Variants in ENPP6 observed in about 807,000 individuals in gnomAD.
The protein encoded by ENPP6 is glycerophosphocholine cholinephosphodiesterase ENPP6.
In ENPP6, 32 loss-of-function variants were observed where a neutral mutation model predicts 42.0. The ratio of observed to expected loss-of-function variants is 0.76; its 90% CI spans 0.58 to 1.02. ENPP6 has a LOEUF of 1.02. Ranked by LOEUF, ENPP6 falls within the 50% of genes least tolerant of loss-of-function variation. The pLI is 0.00. For synonymous variants in ENPP6, 213 were observed against 216.0 expected (o/e 0.99, Z 0.12); for missense variants, 552 against 566.8 (o/e 0.97, Z 0.27).
chr4:184,150,572 T>C (rs938530902), intron 2 of ENPP6, among the ~76,000 whole-genome samples: 3 of 152,102 alleles, frequency 2.0e-5, no homozygotes, highest in Non-Finnish European at 4.4e-5. Flanking sequence ...GGAACCAGGG[T>C]AGACAGAGAA....
At chr4:184,126,701 T>C (rs942677706) in intron 2 of ENPP6, among the ~76,000 whole-genome samples, 1 of 152,234 alleles carries the variant, frequency 6.6e-6, no homozygotes. Flanking sequence ...ATTCTCTATG[T>C]AAAGCACTGG....
At chr4:184,100,657 G>A (rs539493972) in intron 6 of ENPP6, among the ~76,000 whole-genome samples, 93 of 152,354 alleles carry the variant, frequency 6.1e-4, no homozygotes, top group African/African-American at 2.2e-3. Flanking sequence ...CTCCTGCAAT[G>A]TGTGCTGGAG....
At chr4:184,140,338 C>T (rs1209499813) in intron 2 of ENPP6, among the ~76,000 whole-genome samples, 2 of 151,736 alleles carry the variant, frequency 1.3e-5, no homozygotes, top group Non-Finnish European at 2.9e-5. Flanking sequence ...AGATTCAATG[C>T]CATCCCCATC....
At chr4:184,092,552 G>C (rs960587330) in intron 7 of ENPP6, among the ~76,000 whole-genome samples, 3 of 152,194 alleles carry the variant, frequency 2.0e-5, no homozygotes, top group African/African-American at 7.2e-5. Flanking sequence ...TCAATCAAGG[G>C]ATTTCTTCTT....
chr4:184,163,848 C>T (rs1162611369), intron 1 of ENPP6, among the ~76,000 whole-genome samples: 2 of 152,218 alleles, frequency 1.3e-5, no homozygotes, highest in African/African-American at 4.8e-5. Context: ...ATTTGAGGCA[C>T]ATCAATTTAG....
Position 184,128,505 on chromosome 4 carries a change from C to A in ENPP6, c.422-4233G>T, listed in dbSNP as rs115401309. On this transcript the variant is annotated intron_variant, in intron 2 of 7. Coordinates refer to ENST00000296741, the MANE Select transcript of ENPP6 (RefSeq NM_153343.4). ...CAGTTAGCCTATTTTTAAAGAATGTCAAGATGATGTAAGAAATAAAATCCA... is the reference window on the plus strand; with the variant it reads ...CAGTTAGCCTATTTTTAAAGAATGTAAAGATGATGTAAGAAATAAAATCCA... Among the ~76,000 whole-genome samples the A allele has an allele frequency of 4.0e-3, 612 of 151,294 alleles. 8 individuals carry two copies. The highest frequency in any genetic ancestry group is 0.013 in the African/African-American group (552 of 41,220).
At chr4:184,209,611 T>C (rs1326805757) in intron 1 of ENPP6, among the ~76,000 whole-genome samples, 1 of 151,180 alleles carries the variant, frequency 6.6e-6, no homozygotes, top group Non-Finnish European at 1.5e-5. Flanking sequence ...TACATCTGAT[T>C]TGTGTACCTG....
intron 1 of ENPP6, among the ~76,000 whole-genome samples, chr4:184,207,104 T>C (rs538777851): frequency 4.6e-5 from 7 of 152,240 alleles, no homozygotes; most frequent in East Asian, 1.9e-4. Context: ...AAACAAAACA[T>C]TGAATTTCCC....
intron 6 of ENPP6, among the ~76,000 whole-genome samples, chr4:184,100,918 C>T (rs1735990027): frequency 6.6e-6 from 1 of 152,206 alleles, no homozygotes; most frequent in Non-Finnish European, 1.5e-5. Flanking sequence ...GCTCCTTCCC[C>T]TAACAGAGCT....
chr4:184,107,473 C>G (rs1293285192), intron 6 of ENPP6, among the ~76,000 whole-genome samples: 2 of 152,212 alleles, frequency 1.3e-5, no homozygotes, highest in Admixed American at 6.5e-5. Context: ...ACTGGGGGCC[C>G]TTGCTTTGCT....
chr4:184,130,448 C>T (rs1289873313), intron 2 of ENPP6, among the ~76,000 whole-genome samples: 4 of 96,004 alleles, frequency 4.2e-5, no homozygotes, highest in Non-Finnish European at 7.0e-5. Context: ...GTCCCAGCTA[C>T]TCGGGAGGCT....
intron 6 of ENPP6, among the ~76,000 whole-genome samples, chr4:184,101,460 TGGAACTCCAAGAGC>T (rs1736003937): frequency 6.6e-6 from 1 of 151,846 alleles, no homozygotes; most frequent in Non-Finnish European, 1.5e-5. Flanking sequence ...GACAGAATCC[TGGAACTCCAAGAGC>T]GGAGGAGCCC....
At chr4:184,193,955 C>T (rs1431922987) in intron 1 of ENPP6, among the ~76,000 whole-genome samples, 5 of 152,128 alleles carry the variant, frequency 3.3e-5, no homozygotes, top group Admixed American at 1.3e-4. Context: ...TTTGCCTTTC[C>T]TTGATTGCTT....
At chr4:184,153,909 G>A (rs1357509536) in intron 1 of ENPP6, among the ~76,000 whole-genome samples, 176 bp from the exon 2 acceptor site, 1 of 152,112 alleles carries the variant, frequency 6.6e-6, no homozygotes, top group Non-Finnish European at 1.5e-5. Context: ...TGCCATGAAG[G>A]TAGACAATCC....
At chr4:184,138,219 TA>T (rs1579629701) in intron 2 of ENPP6, among the ~76,000 whole-genome samples, 1 of 152,346 alleles carries the variant, frequency 6.6e-6, no homozygotes, top group East Asian at 1.9e-4. Flanking sequence ...TTCTAATCAT[TA>T]AATGTAAGTG....
intron 5 of ENPP6, among the ~76,000 whole-genome samples, chr4:184,114,713 C>G (rs1241796250): frequency 2.7e-5 from 4 of 150,412 alleles, no homozygotes; most frequent in Non-Finnish European, 5.9e-5. Flanking sequence ...TGCCCAAGTT[C>G]TGGAGACAGC....
chr4:184,150,643 C>T (rs1171139341), intron 2 of ENPP6, among the ~76,000 whole-genome samples: 1 of 152,226 alleles, frequency 6.6e-6, no homozygotes, highest in Non-Finnish European at 1.5e-5. Flanking sequence ...GGTGCCAGGG[C>T]ACACCTTGCT....
chr4:184,100,823 A>C (rs1024393339), intron 6 of ENPP6, among the ~76,000 whole-genome samples: 2 of 152,190 alleles, frequency 1.3e-5, no homozygotes, highest in African/African-American at 4.8e-5. Context: ...CGGTTTATTC[A>C]GTTCTACGGA....
intron 1 of ENPP6, among the ~76,000 whole-genome samples, chr4:184,205,771 T>C (rs572763166): frequency 2.6e-5 from 4 of 151,390 alleles, no homozygotes; most frequent in East Asian, 3.9e-4. Context: ...GCAATGGAGG[T>C]TGGGGGAGGA....
Sources: gnomAD v4.1 joint callset for allele counts (sites outside exome capture counted in the v4.1 genomes callset) on GRCh38, gnomAD v4.1.1 for gene constraint, MANE v1.5 for transcripts, NCBI Gene and HGNC (gene_info 2026-07-23, HGNC 2026-07-21) for gene names.